Variants in CHST15 observed in about 807,000 individuals in gnomAD.
CHST15 encodes the protein B cell RAG associated protein (GALNAC4S-6ST).
A neutral mutation model predicts 53.6 loss-of-function variants in CHST15; 30 were observed. That is an observed-to-expected ratio of 0.56 (90% CI 0.42 to 0.76). The LOEUF is 0.76. CHST15 is among the 30% of genes least tolerant of loss of function. The probability of loss-of-function intolerance (pLI) is 0.00; values close to 1 mark genes in which losing one functional copy is unlikely to be tolerated. For synonymous variants in CHST15, 296 were observed against 289.8 expected (o/e 1.02, Z -0.22); for missense variants, 627 against 740.5 (o/e 0.85, Z 1.78).
chr10:124,024,379 G>C lies in CHST15; in HGVS notation c.1191-2967C>G, dbSNP rs927062833. ...ACACAGCCCTCTAGAATTCATCCAC[G>C]GCCAATGTCCACAGAGGACACCTCT... is the stretch of plus-strand genomic sequence containing the variant. On this transcript the variant is annotated intron_variant, in intron 5 of 7. Coordinates refer to ENST00000435907, the MANE Select transcript of CHST15 (RefSeq NM_001270764.2). The surrounding 1 kb of genome is among the most constrained non-coding windows in gnomAD (Gnocchi z 4.0). Among the ~76,000 whole-genome samples, 1 of 152,060 alleles carries C rather than the reference G, an allele frequency of 6.6e-6. No homozygotes were observed. Among genetic ancestry groups the C allele is most frequent in the Non-Finnish European group, 1.5e-5 (1 of 68,018 alleles).
Position 124,009,210 on chromosome 10 carries a change from C to T in CHST15, c.*939G>A, listed in dbSNP as rs187924201. ...GTAAACCTGATGAGGGCTTGAATTA[C>T]CTAGATTTTCCAAGAAGTGTTCAAT... On this transcript the variant is annotated 3_prime_UTR_variant, in exon 8 of 8. Coordinates refer to ENST00000435907, the MANE Select transcript of CHST15 (RefSeq NM_001270764.2). 3 of 1,135,476 alleles carry T rather than the reference C, an allele frequency of 2.6e-6. No individual in the cohort carries two copies. The East Asian group carries it at 1.9e-4, about 72-fold the overall frequency. The allele number at this position is 1,135,476 out of a possible 1,614,324, so 70.3% of individuals were successfully genotyped here.
intron 5 of CHST15, 54 bp from the exon 6 acceptor site, chr10:124,021,466 A>G: frequency 1.9e-6 from 3 of 1,560,300 alleles, no homozygotes; most frequent in Admixed American, 1.8e-5. Context: ...CAATCACACC[A>G]TTTGGGCGAC....
chr10:124,054,328 T>C (rs1201699746), intron 1 of CHST15, among the ~76,000 whole-genome samples: 1 of 152,230 alleles, frequency 6.6e-6, no homozygotes, highest in Admixed American at 6.5e-5. Flanking sequence ...CCCAGGCAGT[T>C]TTTTAAGCTT....
At chr10:124,072,154 G>GCCGGGCAATAAC (rs1451986679) in intron 1 of CHST15, among the ~76,000 whole-genome samples, 1 of 152,244 alleles carries the variant, frequency 6.6e-6, no homozygotes, top group East Asian at 1.9e-4. Context: ...AGGGAAGACA[G>GCCGGGCAATAAC]CCGGGCAATA....
chr10:124,048,310 G>C (rs910872003), intron 1 of CHST15, among the ~76,000 whole-genome samples: 7 of 152,340 alleles, frequency 4.6e-5, no homozygotes, highest in African/African-American at 1.7e-4. Flanking sequence ...ACACAAAGTT[G>C]GAAGTACCTA....
At chr10:124,013,029 C>T (rs1329938618) in intron 6 of CHST15, among the ~76,000 whole-genome samples, 1 of 152,228 alleles carries the variant, frequency 6.6e-6, no homozygotes, top group Non-Finnish European at 1.5e-5. Flanking sequence ...GTCCTTTCTA[C>T]TTTCCAGTAC....
chr10:124,037,863 A>T (rs1229445953), intron 5 of CHST15, among the ~76,000 whole-genome samples: 1 of 152,158 alleles, frequency 6.6e-6, no homozygotes, highest in Non-Finnish European at 1.5e-5. Flanking sequence ...TAGGAGTTAA[A>T]CCACGTGGAG....
chr10:124,020,972 C>G, intron 6 of CHST15: 1 of 1,400,574 alleles, frequency 7.1e-7, no homozygotes, highest in South Asian at 1.7e-5. Context: ...TGCTGGGTGT[C>G]TTGCTAAATG....
Position 124,046,165 on chromosome 10 carries a change from T to G in CHST15, c.48A>C (p.Ala16=), listed in dbSNP as rs1316672459. ...CTTGGCAGTTGACCTGCTGCTTGTG[T>G]GCGCCGTCGGGTAACAGCTGTATGC... ...NCCIQLLPDG[A]HKQQVNCQGG... is the part of the protein sequence containing the mutation. Residue 16 remains alanine (A), a synonymous_variant, in exon 2 of 8, where the codon GCA becomes GCC. Coordinates refer to ENST00000435907, the MANE Select transcript of CHST15 (RefSeq NM_001270764.2). The G allele has an allele frequency of 6.2e-7, 1 of 1,613,906 alleles. No homozygotes were observed. Among genetic ancestry groups the G allele is most frequent in the African/African-American group, 1.3e-5 (1 of 75,048 alleles).
intron 1 of CHST15, among the ~76,000 whole-genome samples, chr10:124,060,345 G>T (rs144518772): frequency 6.6e-6 from 1 of 150,390 alleles, no homozygotes; most frequent in African/African-American, 2.5e-5. Context: ...GATCCTCCAG[G>T]AATGTGCAAA....
At chr10:124,035,484 C>A (rs1947460075) in intron 5 of CHST15, among the ~76,000 whole-genome samples, 1 of 150,278 alleles carries the variant, frequency 6.7e-6, no homozygotes, top group Non-Finnish European at 1.5e-5. Flanking sequence ...GACCCCGGCT[C>A]TACCCCTGAT....
chr10:124,082,086 G>A (rs1949265989), intron 1 of CHST15, among the ~76,000 whole-genome samples: 1 of 152,192 alleles, frequency 6.6e-6, no homozygotes, highest in Admixed American at 6.5e-5. Flanking sequence ...TCGGACATCA[G>A]ATGGACATTG....
At chr10:124,035,068 CCCCCTAACAGGGACGCCGGCTCCA>C (rs1175400226) in intron 5 of CHST15, among the ~76,000 whole-genome samples, 3 of 122,598 alleles carry the variant, frequency 2.4e-5, no homozygotes, top group Non-Finnish European at 5.3e-5. Context: ...CCCGGCTCCA[CCCCCTAACAGGGACGCCGGCTCCA>C]CCCCTAACAG....
intron 1 of CHST15, among the ~76,000 whole-genome samples, chr10:124,081,489 C>T (rs901720301): frequency 6.6e-6 from 1 of 152,162 alleles, no homozygotes; most frequent in Non-Finnish European, 1.5e-5. Context: ...CAATAAGCTC[C>T]GTGGGGGTTG....
intron 5 of CHST15, among the ~76,000 whole-genome samples, chr10:124,029,261 G>A (rs1564862365): frequency 6.6e-6 from 1 of 152,202 alleles, no homozygotes; most frequent in East Asian, 1.9e-4. Context: ...TCATCAGGAG[G>A]CTGGATGAGA....
At chr10:124,051,633 C>T (rs1430539145) in intron 1 of CHST15, among the ~76,000 whole-genome samples, 3 of 152,212 alleles carry the variant, frequency 2.0e-5, no homozygotes, top group East Asian at 3.8e-4. Flanking sequence ...CCCACCTGGG[C>T]TCAATTCTGA....
In CHST15 at chr10:124,046,390, C is replaced by T. The variant is rs539790371; in HGVS notation, c.-178G>A. The stretch of plus-strand genomic sequence containing the variant: ...CACAGCACTAGAGAAAGAGGGTGCA[C>T]ATTCTTTGGTTCAGCTCCGAAAGAA... On this transcript the variant is annotated 5_prime_UTR_variant, in exon 2 of 8. The change creates a new upstream start codon in the 5' untranslated region. Coordinates refer to ENST00000435907, the MANE Select transcript of CHST15 (RefSeq NM_001270764.2). 3.4e-6 allele frequency: 2 copies of T among 594,372 alleles called. No individual in the cohort carries two copies. The highest frequency in any genetic ancestry group is 2.9e-6 in the Non-Finnish European group (1 of 350,794). The allele number at this position is 594,372 out of a possible 1,614,324, so 36.8% of individuals were successfully genotyped here.
chr10:124,071,517 A>T (rs1185227493), intron 1 of CHST15, among the ~76,000 whole-genome samples: 2 of 152,228 alleles, frequency 1.3e-5, no homozygotes, highest in African/African-American at 4.8e-5. Flanking sequence ...ACCTAGGTTA[A>T]ATGTTCCAGG....
chr10:124,011,160 C>T (rs1946408128), intron 7 of CHST15: 1 of 914,410 alleles, frequency 1.1e-6, no homozygotes, highest in Admixed American at 6.2e-5. Flanking sequence ...ACGCCCCGCC[C>T]TCTGGGCCAC....
Sources: gnomAD v4.1 joint callset for allele counts (sites outside exome capture counted in the v4.1 genomes callset) on GRCh38, gnomAD v4.1.1 for gene constraint, Gnocchi (gnomAD v3.1) non-coding constraint, MANE v1.5 for transcripts, NCBI Gene and HGNC (gene_info 2026-07-23, HGNC 2026-07-21) for gene names.